Variants in CAMKMT observed in about 807,000 individuals in gnomAD.
CAMKMT encodes the protein calmodulin-lysine N-methyltransferase, also known as CaM KMT.
In CAMKMT, 53 loss-of-function variants were observed where a neutral mutation model predicts 48.0. The observed-to-expected ratio is 1.10, with a 90% confidence interval of 0.89 to 1.39. The LOEUF is 1.39. Ranked by LOEUF, CAMKMT falls within the 40% of genes most tolerant of loss-of-function variation. CAMKMT has a pLI of 0.00. For missense variants in CAMKMT, 428 were observed against 402.7 expected (o/e 1.06, Z -0.54); for synonymous variants, 165 against 152.3 (o/e 1.08, Z -0.61).
At chr2:44,578,006 T>C (rs1669328489) in intron 3 of CAMKMT, among the ~76,000 whole-genome samples, 1 of 152,178 alleles carries the variant, frequency 6.6e-6, no homozygotes, top group Non-Finnish European at 1.5e-5. Context: ...TCTTCAGACT[T>C]CACTCTCTTG....
chr2:44,643,203 C>G (rs973207349), intron 3 of CAMKMT, among the ~76,000 whole-genome samples: 8 of 152,132 alleles, frequency 5.3e-5, no homozygotes, highest in African/African-American at 1.9e-4. Context: ...ACTTAATATT[C>G]CTTCAGAAAC....
chr2:44,667,707 C>T (rs1005701322), intron 3 of CAMKMT, among the ~76,000 whole-genome samples: 3 of 152,188 alleles, frequency 2.0e-5, no homozygotes, highest in Non-Finnish European at 4.4e-5. Flanking sequence ...AATAACCACA[C>T]CACCTCTGAA....
chr2:44,699,621 G>T (rs545616923), intron 3 of CAMKMT, among the ~76,000 whole-genome samples: 2 of 151,824 alleles, frequency 1.3e-5, no homozygotes, highest in Admixed American at 1.3e-4. Flanking sequence ...TAAGAGACAG[G>T]GTTTCACTAT....
At chr2:44,421,754 G>A (rs75493498) in intron 3 of CAMKMT, among the ~76,000 whole-genome samples, 3,082 of 152,190 alleles carry the variant, frequency 0.02, 120 homozygotes, top group African/African-American at 0.071. Flanking sequence ...AATCAATTAT[G>A]GTTTTTAGAA....
At chr2:44,753,788 A>G (rs1476515517) in intron 8 of CAMKMT, among the ~76,000 whole-genome samples, 4 of 152,188 alleles carry the variant, frequency 2.6e-5, no homozygotes, top group Admixed American at 2.6e-4. Context: ...GCAGTTTGGA[A>G]ATTGTCCCTG....
At chr2:44,515,658 A>G (rs138115921) in intron 3 of CAMKMT, among the ~76,000 whole-genome samples, 80 of 152,324 alleles carry the variant, frequency 5.3e-4, no homozygotes, top group African/African-American at 1.8e-3. Flanking sequence ...AAGGATTATC[A>G]TTTCGGTTTT....
chr2:44,425,671 G>A (rs940246243), intron 3 of CAMKMT, among the ~76,000 whole-genome samples: 1 of 151,744 alleles, frequency 6.6e-6, no homozygotes, highest in Non-Finnish European at 1.5e-5. Context: ...GTATGTATAA[G>A]GTAGAGAGTA....
At chr2:44,455,676 C>T (rs1402017876) in intron 3 of CAMKMT, among the ~76,000 whole-genome samples, 1 of 152,150 alleles carries the variant, frequency 6.6e-6, no homozygotes, top group Non-Finnish European at 1.5e-5. Flanking sequence ...GTTATTTAAC[C>T]ACTTTGTGCC....
chr2:44,602,925 A>G (rs754559314), intron 3 of CAMKMT, among the ~76,000 whole-genome samples: 9 of 151,968 alleles, frequency 5.9e-5, no homozygotes, highest in Non-Finnish European at 1.0e-4. Flanking sequence ...CTATCTCTCC[A>G]TTATTTTTTG....
At chr2:44,410,727 A>G (rs1233204940) in intron 3 of CAMKMT, among the ~76,000 whole-genome samples, 2 of 152,182 alleles carry the variant, frequency 1.3e-5, no homozygotes, top group Admixed American at 6.5e-5. Flanking sequence ...AACTTCATTA[A>G]CAAGTGAAGG....
chr2:44,558,833 T>C lies in CAMKMT; in HGVS notation c.377-145450T>C, dbSNP rs1668165721. ...TTCAAAAACTAACTATTGGGTATTA[T>C]GTTCACTACCTTGGTGATGGGATTA... On this transcript the variant is annotated intron_variant, in intron 3 of 10. Coordinates refer to ENST00000378494, the MANE Select transcript of CAMKMT (RefSeq NM_024766.5). 2.0e-5 allele frequency among the ~76,000 whole-genome samples: 3 copies of C among 152,224 alleles called. No homozygotes were observed. In the South Asian group the frequency reaches 6.2e-4, roughly 32 times the overall value.
chr2:44,424,659 CAACTCAGGAATGGAAAACCA>C (rs1420499911), intron 3 of CAMKMT, among the ~76,000 whole-genome samples: 6 of 152,260 alleles, frequency 3.9e-5, no homozygotes, highest in African/African-American at 1.4e-4. Flanking sequence ...CTAAGTGAAG[CAACTCAGGAATGGAAAACCA>C]AACATCATAT....
chr2:44,583,300 G>T (rs1669669341), intron 3 of CAMKMT, among the ~76,000 whole-genome samples: 1 of 152,110 alleles, frequency 6.6e-6, no homozygotes. Flanking sequence ...CTCTCAAAGA[G>T]CTCATGATGA....
chr2:44,547,623 T>A (rs745736602), intron 3 of CAMKMT, among the ~76,000 whole-genome samples: 4 of 152,198 alleles, frequency 2.6e-5, no homozygotes, highest in Non-Finnish European at 5.9e-5. Context: ...TAGCAATGCA[T>A]GGAACAAGAT....
At chr2:44,637,190 TTTA>T in intron 3 of CAMKMT, among the ~76,000 whole-genome samples, 1 of 152,340 alleles carries the variant, frequency 6.6e-6, no homozygotes, top group South Asian at 2.1e-4. Context: ...TTCAAATTAT[TTTA>T]GAATACTTTG....
chr2:44,685,050 T>C (rs1408496293), intron 3 of CAMKMT, among the ~76,000 whole-genome samples: 1 of 152,128 alleles, frequency 6.6e-6, no homozygotes, highest in Non-Finnish European at 1.5e-5. Context: ...CATAACTTCA[T>C]GTGCATCGTG....
At chr2:44,705,426 G>A in intron 4 of CAMKMT, 1 of 985,376 alleles carries the variant, frequency 1.0e-6, no homozygotes, top group Non-Finnish European at 1.2e-6. Flanking sequence ...TGGAAGTCTG[G>A]CATTTGTTCA....
At chr2:44,376,344 G>A (rs894024713) in intron 2 of CAMKMT, among the ~76,000 whole-genome samples, 1 of 151,518 alleles carries the variant, frequency 6.6e-6, no homozygotes, top group Non-Finnish European at 1.5e-5. Flanking sequence ...TAGCTTGAAC[G>A]TGGGAGGTGG....
intron 3 of CAMKMT, among the ~76,000 whole-genome samples, chr2:44,517,404 T>C (rs1487180908): frequency 6.6e-6 from 1 of 152,222 alleles, no homozygotes; most frequent in Non-Finnish European, 1.5e-5. Context: ...GCTAAATTGT[T>C]CAGCAGACTC....
Sources: allele counts gnomAD v4.1 joint callset (sites outside exome capture counted in the v4.1 genomes callset), GRCh38; gene constraint gnomAD v4.1.1; transcripts MANE v1.5; gene names NCBI Gene and HGNC (gene_info 2026-07-23, HGNC 2026-07-21).